Variants in BASP1 observed in about 807,000 individuals in gnomAD.
BASP1 encodes brain abundant membrane attached signal protein 1.
BASP1 carries 1 observed loss-of-function variant against 2.2 expected under a neutral mutation model. The observed-to-expected ratio is 0.46, with a 90% CI of 0.16 to 2.17. The LOEUF (loss-of-function observed/expected upper bound fraction) is 2.17. BASP1 is among the 30% of genes most tolerant of loss of function. BASP1 has a pLI of 0.27. For missense variants in BASP1, 352 were observed against 327.2 expected (o/e 1.08, Z -0.58); for synonymous variants, 187 against 154.2 (o/e 1.21, Z -1.58).
rs1561180894 is a variant in BASP1 at position 17,276,726 on chromosome 5, TG to T, written c.*828del. The T allele has an allele frequency of 1.1e-5, 1 of 93,638 alleles. No individual in the cohort carries two copies. Among genetic ancestry groups the T allele is most frequent in the Non-Finnish European group, 2.4e-5 (1 of 41,362 alleles). 5.8% of individuals were successfully genotyped at this position (93,638 alleles called of 1,614,324 possible). On this transcript the variant is annotated 3_prime_UTR_variant, in exon 2 of 2. Transcript: ENST00000322611. ...CACCAACACACCACTCATTGGAAAA[TG>T]GAAAAAAAAAACAAAAAAAAAACAA...
chr5:17,220,300 G>A (rs1341841126), intron 1 of BASP1, among the ~76,000 whole-genome samples: 1 of 152,084 alleles, frequency 6.6e-6, no homozygotes, highest in Non-Finnish European at 1.5e-5. Flanking sequence ...CCTTAGTATT[G>A]AGTAGGTTAT....
At chr5:17,264,904 A>G (rs1046176438) in intron 1 of BASP1, among the ~76,000 whole-genome samples, 5 of 152,238 alleles carry the variant, frequency 3.3e-5, no homozygotes, top group African/African-American at 1.2e-4. Context: ...ACTGCCCTAT[A>G]TAGGAAGTGC....
At chr5:17,237,150 C>T (rs749508644) in intron 1 of BASP1, among the ~76,000 whole-genome samples, 2 of 152,058 alleles carry the variant, frequency 1.3e-5, no homozygotes, top group Non-Finnish European at 2.9e-5. Context: ...TCCAGACCAT[C>T]CTGGCTAACA....
chr5:17,235,344 T>A (rs1739719824), intron 1 of BASP1, among the ~76,000 whole-genome samples: 1 of 151,758 alleles, frequency 6.6e-6, no homozygotes, highest in Non-Finnish European at 1.5e-5. Flanking sequence ...CACTGAAAGC[T>A]TCATCTCCCA....
intron 1 of BASP1, among the ~76,000 whole-genome samples, chr5:17,252,376 A>T (rs1333587693): frequency 1.3e-5 from 2 of 152,168 alleles, no homozygotes; most frequent in South Asian, 4.1e-4. Flanking sequence ...TAATTTTTAT[A>T]AATCCCCTCT....
At chr5:17,231,214 CT>C (rs1739628368) in intron 1 of BASP1, among the ~76,000 whole-genome samples, 1 of 152,174 alleles carries the variant, frequency 6.6e-6, no homozygotes, top group Admixed American at 6.5e-5. Flanking sequence ...CAGTGAGGAC[CT>C]TTAGCACTCA....
intron 1 of BASP1, among the ~76,000 whole-genome samples, chr5:17,261,545 T>C (rs1449546723): frequency 1.3e-5 from 2 of 152,218 alleles, no homozygotes; most frequent in African/African-American, 2.4e-5. Flanking sequence ...GATTTAACCA[T>C]ATTCATGTAA....
chr5:17,274,669 T>C (rs541400189), intron 1 of BASP1, among the ~76,000 whole-genome samples: 6 of 152,324 alleles, frequency 3.9e-5, no homozygotes, highest in South Asian at 2.1e-4. Context: ...TAATCACTGA[T>C]TCTTTGATCT....
intron 1 of BASP1, among the ~76,000 whole-genome samples, chr5:17,264,752 G>C (rs1252226085): frequency 6.6e-6 from 1 of 152,128 alleles, no homozygotes; most frequent in African/African-American, 2.4e-5. Flanking sequence ...TATAGACTTG[G>C]AGCCATCTTC....
chr5:17,238,382 A>G (rs1178182906), intron 1 of BASP1, among the ~76,000 whole-genome samples: 1 of 151,102 alleles, frequency 6.6e-6, no homozygotes, highest in African/African-American at 2.4e-5. Flanking sequence ...TTCAACTAAC[A>G]CCTACTGATG....
intron 1 of BASP1, among the ~76,000 whole-genome samples, chr5:17,267,553 C>T (rs115357113): frequency 0.017 from 2,636 of 150,860 alleles, 48 homozygotes; most frequent in Middle Eastern, 0.038. Context: ...TGCTCTGTCA[C>T]CAGGCCCCAG....
chr5:17,258,644 G>A (rs1740258299), intron 1 of BASP1, among the ~76,000 whole-genome samples: 1 of 152,200 alleles, frequency 6.6e-6, no homozygotes, highest in African/African-American at 2.4e-5. Context: ...TGAGTAAGGG[G>A]CAGTTGGTAT....
At chr5:17,265,559 A>G (rs967978441) in intron 1 of BASP1, among the ~76,000 whole-genome samples, 3 of 152,196 alleles carry the variant, frequency 2.0e-5, no homozygotes, top group Admixed American at 6.5e-5. Context: ...ATGGCATGTC[A>G]TCACTTAGAC....
At chr5:17,268,986 A>G (rs1249944694) in intron 1 of BASP1, among the ~76,000 whole-genome samples, 2 of 152,232 alleles carry the variant, frequency 1.3e-5, no homozygotes, top group Non-Finnish European at 2.9e-5. Context: ...TGGAGGAAGA[A>G]TTAAAACCTA....
At chr5:17,243,411 C>A (rs1739912047) in intron 1 of BASP1, among the ~76,000 whole-genome samples, 1 of 152,160 alleles carries the variant, frequency 6.6e-6, no homozygotes, top group African/African-American at 2.4e-5. Context: ...GCCTTGGCCT[C>A]CCAAAGTGCT....
rs1579506665 is a variant in BASP1 at position 17,275,483 on chromosome 5, G to C, written c.267G>C (p.Lys89Asn). The change falls in exon 2 of 2, where the codon AAG (lysine) becomes AAC (asparagine). Residue 89 changes from lysine to asparagine, a missense_variant. Coordinates refer to ENST00000322611, the MANE Select transcript of BASP1 (RefSeq NM_006317.5). The surrounding 1 kb of genome is among the most constrained non-coding windows in gnomAD (Gnocchi z 5.3). The stretch of plus-strand genomic sequence containing the variant: ...AGGCCCCGAAGGCGGAGCCCGAGAA[G>C]ACGGAGGGCGCGGCAGAGGCCAAGG... ...KEEAPKAEPE[K>N]TEGAAEAKAE... is the part of the protein sequence containing the mutation. 1 of 1,486,912 alleles carries C rather than the reference G, an allele frequency of 6.7e-7. No homozygotes were observed. Among genetic ancestry groups the C allele is most frequent in the Admixed American group, 2.6e-5 (1 of 39,174 alleles). 92.1% of individuals were successfully genotyped at this position (1,486,912 alleles called of 1,614,324 possible).
Position 17,276,750 on chromosome 5 carries a change from CA to C in BASP1, c.*857del, listed in dbSNP as rs1168433124. ...ATGGAAAAAAAAAACAAAAAAAAAA[CA>C]AAAAAATGTACAATGGATGCATTGA... is the stretch of plus-strand genomic sequence containing the variant. On this transcript the variant is annotated 3_prime_UTR_variant, in exon 2 of 2. Coordinates refer to ENST00000322611, the MANE Select transcript of BASP1 (RefSeq NM_006317.5). 2 of 93,184 alleles carry C rather than the reference CA, an allele frequency of 2.1e-5. No homozygotes were observed. Among genetic ancestry groups the C allele is most frequent in the Non-Finnish European group, 2.5e-5 (1 of 39,756 alleles). 5.8% of individuals were successfully genotyped at this position (93,184 alleles called of 1,614,324 possible). A position where few individuals can be genotyped will look rare whatever the true frequency, so the allele number is the denominator to read the frequency against.
At chr5:17,267,080 T>G (rs576222575) in intron 1 of BASP1, among the ~76,000 whole-genome samples, 1 of 152,364 alleles carries the variant, frequency 6.6e-6, no homozygotes, top group East Asian at 1.9e-4. Context: ...GTGAGATTGA[T>G]TTAAACTATA....
intron 1 of BASP1, among the ~76,000 whole-genome samples, chr5:17,246,437 G>A (rs1299598297): frequency 6.6e-6 from 1 of 152,150 alleles, no homozygotes; most frequent in African/African-American, 2.4e-5. Context: ...GCGGTGAGCC[G>A]AGATGGCACC....
Sources: gnomAD v4.1 joint callset for allele counts (sites outside exome capture counted in the v4.1 genomes callset) on GRCh38, gnomAD v4.1.1 for gene constraint, Gnocchi (gnomAD v3.1) non-coding constraint, MANE v1.5 for transcripts, NCBI Gene and HGNC (gene_info 2026-07-23, HGNC 2026-07-21) for gene names.